The following FBXO31 variants were observed in gnomAD, a reference collection of about 807,000 sequenced individuals.
FBXO31 encodes the protein F-box only protein 31.
In FBXO31, 24 loss-of-function variants were observed where a neutral mutation model predicts 54.4. The observed-to-expected ratio is 0.44, with a 90% CI of 0.32 to 0.62. The LOEUF is 0.62. Among genes scored for constraint, FBXO31 ranks in the 20% least tolerant of loss-of-function variants. The pLI is 0.05. For missense variants in FBXO31, 665 were observed against 787.1 expected (o/e 0.84, Z 1.86); for synonymous variants, 388 against 335.6 (o/e 1.16, Z -1.71).
intron 3 of FBXO31, among the ~76,000 whole-genome samples, chr16:87,344,236 C>G (rs77477447): frequency 0.012 from 1,752 of 152,318 alleles, 24 homozygotes; most frequent in African/African-American, 0.039. Flanking sequence ...AGGGCGCTGC[C>G]CGGAGGGACG....
chr16:87,366,687 A>T (rs1906381008), intron 1 of FBXO31, among the ~76,000 whole-genome samples: 1 of 152,206 alleles, frequency 6.6e-6, no homozygotes, highest in African/African-American at 2.4e-5. Context: ...AGTTGCTGGT[A>T]AAGAAACTGA....
At chr16:87,333,814 G>A (rs537138132) in intron 8 of FBXO31, 72 bp downstream of exon 8, 13 of 1,503,094 alleles carry the variant, frequency 8.6e-6, no homozygotes, top group East Asian at 4.6e-5. Flanking sequence ...CCTGTGCTAG[G>A]TGTGGGGCTG....
At chr16:87,384,182 G>C (rs888537097), upstream of FBXO31, 1 of 148,322 alleles carries the variant, frequency 6.7e-6, no homozygotes, top group Non-Finnish European at 1.5e-5. Context: ...GCCCGAAACT[G>C]TGCCGCGCCG....
chr16:87,331,106 A>G lies in FBXO31; in HGVS notation c.*182T>C, dbSNP rs537975700. The G allele has an allele frequency of 4.7e-4, 283 of 599,956 alleles. 1 individual carries two copies. The highest frequency in any genetic ancestry group is 2.5e-4 in the Non-Finnish European group (85 of 338,750). 37.2% of individuals were successfully genotyped at this position (599,956 alleles called of 1,614,324 possible). A position where few individuals can be genotyped will look rare whatever the true frequency, so the allele number is the denominator to read the frequency against. On this transcript the variant is annotated 3_prime_UTR_variant, in exon 9 of 9. Transcript: ENST00000311635. ...AGCTTCTTCCATCATGGCACTGACAAATATGCAGGTCTATGTCACACTCTC... is the reference window on the plus strand; with the variant it reads ...AGCTTCTTCCATCATGGCACTGACAGATATGCAGGTCTATGTCACACTCTC...
upstream of FBXO31, chr16:87,383,826 G>A (rs992613738): frequency 9.0e-6 from 9 of 1,002,314 alleles, no homozygotes; most frequent in African/African-American, 3.5e-5. The surrounding 1 kb of genome is among the most constrained non-coding windows in gnomAD (Gnocchi z 4.9). Flanking sequence ...CCACGCCCCC[G>A]CCGCAGAGCT....
At chr16:87,357,101 C>T (rs1344754306) in intron 2 of FBXO31, among the ~76,000 whole-genome samples, 1 of 151,964 alleles carries the variant, frequency 6.6e-6, no homozygotes, top group African/African-American at 2.4e-5. Context: ...AAAAATTAAC[C>T]AGGCATGGTG....
At chr16:87,378,504 C>T (rs1394368030) in intron 1 of FBXO31, among the ~76,000 whole-genome samples, 1 of 152,184 alleles carries the variant, frequency 6.6e-6, no homozygotes, top group African/African-American at 2.4e-5. Context: ...ATACTGCATC[C>T]GGGCAGTTAA....
Position 87,335,759 on chromosome 16 carries a change from G to A in FBXO31, c.843-302C>T, listed in dbSNP as rs1905028834. On this transcript the variant is annotated intron_variant, in intron 6 of 8. Coordinates refer to ENST00000311635, the MANE Select transcript of FBXO31 (RefSeq NM_024735.5). The surrounding 1 kb of genome is among the most constrained non-coding windows in gnomAD (Gnocchi z 5.7). The stretch of plus-strand genomic sequence containing the variant: ...GTTTGCTCCATTACCCAGGAGAAAG[G>A]AGCCCAAGTCACCATGGAGGGGATC... Among the ~76,000 whole-genome samples the A allele has an allele frequency of 1.3e-5, 2 of 152,186 alleles. No individual in the cohort carries two copies. Among genetic ancestry groups the A allele is most frequent in the Non-Finnish European group, 2.9e-5 (2 of 68,030 alleles).
Position 87,336,537 on chromosome 16 carries a change from G to C in FBXO31, c.733-273C>G, listed in dbSNP as rs1905050831. 6.6e-6 allele frequency among the ~76,000 whole-genome samples: 1 copy of C among 152,190 alleles called. No individual in the cohort carries two copies. The highest frequency in any genetic ancestry group is 2.4e-5 in the African/African-American group (1 of 41,448). ...GGCAGCAGGGGCTACAGGGAGCCCA[G>C]GTGAGGCGGGGGCCACAGCCATGAC... On this transcript the variant is annotated intron_variant, in intron 5 of 8. Transcript: ENST00000311635. This position sits in a 1 kb window ranked among gnomAD's most constrained non-coding sequence, Gnocchi z 6.5.
In FBXO31 at chr16:87,366,422, T is replaced by A. The variant is rs190006106; in HGVS notation, c.341-6056A>T. Among the ~76,000 whole-genome samples, 20 of 152,224 alleles carry A rather than the reference T, an allele frequency of 1.3e-4. No individual in the cohort carries two copies. In the East Asian group the frequency reaches 3.7e-3, roughly 28 times the overall value. ...TCCTAGGAGGCAACACCCACGGCTG[T>A]GGTGGCAAGGGCCCAGACAGAGGTG... is the stretch of plus-strand genomic sequence containing the variant. On this transcript the variant is annotated intron_variant, in intron 1 of 8. Coordinates refer to ENST00000311635, the MANE Select transcript of FBXO31 (RefSeq NM_024735.5).
At position 87,335,503 on chromosome 16, in the gene FBXO31, C is replaced by G; in HGVS notation, c.843-46G>C. The G allele has an allele frequency of 6.4e-7, 1 of 1,569,346 alleles. No homozygotes were observed. The highest frequency in any genetic ancestry group is 1.3e-5 in the African/African-American group (1 of 74,308). ...AGTACAGGAGACCTCGTGGGGCAGG[C>G]AGGACTGAGAACGCCCAAGGTGCCA... On this transcript the variant is annotated intron_variant, in intron 6 of 8. Transcript: ENST00000311635. This position sits in a 1 kb window ranked among gnomAD's most constrained non-coding sequence, Gnocchi z 5.7.
chr16:87,360,253 G>C, intron 2 of FBXO31, 42 bp downstream of exon 2: 1 of 1,565,418 alleles, frequency 6.4e-7, no homozygotes, highest in Non-Finnish European at 8.8e-7. Flanking sequence ...TCTGCTTCTG[G>C]TACAAAGTTA....
At chr16:87,382,912 A>C (rs1484901675) in intron 1 of FBXO31, among the ~76,000 whole-genome samples, 1 of 152,190 alleles carries the variant, frequency 6.6e-6, no homozygotes, top group East Asian at 1.9e-4. Context: ...CTGAGATTAC[A>C]GGCGTGAAAC....
upstream of FBXO31, among the ~76,000 whole-genome samples, chr16:87,387,470 T>G (rs906349911): frequency 6.6e-6 from 1 of 152,164 alleles, no homozygotes; most frequent in Non-Finnish European, 1.5e-5. Flanking sequence ...CATTTTCCAA[T>G]TGGTTGCCTC....
intron 4 of FBXO31, 130 bp downstream of exon 4, chr16:87,343,468 G>T (rs1020992826): frequency 1.0e-5 from 12 of 1,150,318 alleles, no homozygotes; most frequent in Non-Finnish European, 1.5e-5. Context: ...AGGGCAGGGC[G>T]GAGCCTCCCT....
At chr16:87,344,024 G>A (rs1055209061) in intron 3 of FBXO31, among the ~76,000 whole-genome samples, 37 of 152,368 alleles carry the variant, frequency 2.4e-4, no homozygotes, top group South Asian at 2.1e-4. Flanking sequence ...GAAAGGGGGT[G>A]CATCTCCCAA....
At chr16:87,355,737 G>A (rs986031660) in intron 2 of FBXO31, among the ~76,000 whole-genome samples, 2 of 152,280 alleles carry the variant, frequency 1.3e-5, no homozygotes, top group East Asian at 1.9e-4. Context: ...CTGGATGCTC[G>A]AGAGGCCAGC....
chr16:87,371,361 C>T (rs1055212962), intron 1 of FBXO31, among the ~76,000 whole-genome samples: 1 of 152,240 alleles, frequency 6.6e-6, no homozygotes. Flanking sequence ...TCCCCTCTCG[C>T]TAAGATGCAG....
rs761427724 is a variant in FBXO31, at chr16:87,383,551, C to T, written c.194G>A (p.Cys65Tyr). 2 of 1,559,146 alleles carry T rather than the reference C, an allele frequency of 1.3e-6. No individual in the cohort carries two copies. The highest frequency in any genetic ancestry group is 1.9e-5 in the Admixed American group (1 of 51,864). ...CAGPSPPPPR[C>Y]SLLELPPELL... ...CTCGGGCGGCAGCTCCAGCAGCGAG[C>T]AGCGCGGGGGCGGCGGCGAGGGGCC... is the stretch of plus-strand genomic sequence containing the variant. The change falls in exon 1 of 9, where the codon TGC (cysteine) becomes TAC (tyrosine). Residue 65 changes from cysteine (C) to tyrosine (Y), a missense_variant. Cys to Tyr is a radical substitution (Grantham distance 194). Transcript: ENST00000311635. The surrounding 1 kb of genome is among the most constrained non-coding windows in gnomAD (Gnocchi z 4.9).
Sources: gnomAD v4.1 joint callset for allele counts (sites outside exome capture counted in the v4.1 genomes callset) on GRCh38, gnomAD v4.1.1 for gene constraint, Gnocchi (gnomAD v3.1) non-coding constraint, MANE v1.5 for transcripts, NCBI Gene and HGNC (gene_info 2026-07-23, HGNC 2026-07-21) for gene names.